Variants in TNFSF10 observed in about 807,000 individuals in gnomAD.
TNFSF10 encodes the protein tumor necrosis factor ligand superfamily member 10.
TNFSF10 carries 13 observed loss-of-function variants against 29.5 expected under a neutral mutation model. The observed-to-expected ratio is 0.44, with a 90% CI of 0.29 to 0.70. The LOEUF (loss-of-function observed/expected upper bound fraction) is 0.70, where lower values mean the gene tolerates loss of function less well. Ranked by LOEUF, TNFSF10 falls within the 30% of genes least tolerant of loss-of-function variation. The pLI is 0.13. For missense variants in TNFSF10, 345 were observed against 330.9 expected (o/e 1.04, Z -0.33); for synonymous variants, 111 against 112.8 (o/e 0.98, Z 0.10).
chr3:172,522,531 C>G, intron 1 of TNFSF10: 1 of 656,992 alleles, frequency 1.5e-6, no homozygotes, highest in Non-Finnish European at 2.7e-6. Flanking sequence ...AAAACTGAAC[C>G]AACGGTAATT....
chr3:172,522,648 T>C (rs1713749339), intron 1 of TNFSF10, among the ~76,000 whole-genome samples: 1 of 152,248 alleles, frequency 6.6e-6, no homozygotes, highest in African/African-American at 2.4e-5. Context: ...TTACAAGACA[T>C]GTCATTGCTG....
rs1424845106 is a variant in TNFSF10 at position 172,509,248 on chromosome 3, G to A, written c.387C>T (p.Thr129=). The change falls in exon 4 of 5, where the codon ACC becomes ACT. Residue 129 remains threonine (T), a synonymous_variant. Transcript: ENST00000241261. The stretch of plus-strand genomic sequence containing the variant: ...AAGACAATGTGTTGCTTCTTCCTCT[G>A]GTCCCAGTTATGTGAGCTGCTACTC... The part of the protein sequence containing the change: ...PQRVAAHITG[T]RGRSNTLSSP... The A allele has an allele frequency of 3.1e-6, 5 of 1,613,430 alleles. No individual in the cohort carries two copies. The South Asian group carries it at 4.4e-5, about 14-fold the overall frequency.
intron 4 of TNFSF10, among the ~76,000 whole-genome samples, chr3:172,508,267 C>T (rs1713074779): frequency 6.6e-6 from 1 of 150,408 alleles, no homozygotes; most frequent in Non-Finnish European, 1.5e-5. Flanking sequence ...TGCACTCCAG[C>T]CTGGGCGACA....
chr3:172,508,330 C>A (rs1489602355), intron 4 of TNFSF10, among the ~76,000 whole-genome samples: 1 of 151,734 alleles, frequency 6.6e-6, no homozygotes, highest in East Asian at 1.9e-4. Context: ...AATACCCATG[C>A]ACAGTATTAC....
intron 2 of TNFSF10, among the ~76,000 whole-genome samples, chr3:172,512,150 G>A (rs1280114249): frequency 2.0e-5 from 3 of 152,166 alleles, no homozygotes; most frequent in Non-Finnish European, 4.4e-5. Context: ...CTCTCTCTCA[G>A]GATGCCCACA....
chr3:172,514,630 G>A (rs1713356164), intron 2 of TNFSF10, among the ~76,000 whole-genome samples: 1 of 152,168 alleles, frequency 6.6e-6, no homozygotes, highest in African/African-American at 2.4e-5. Flanking sequence ...GCTGTCCGGG[G>A]CAGAGGAATG....
At chr3:172,509,113 G>A in intron 4 of TNFSF10, 104 bp downstream of exon 4, 1 of 871,890 alleles carries the variant, frequency 1.1e-6, no homozygotes, top group Non-Finnish European at 1.7e-6. Flanking sequence ...GCATTTTGTA[G>A]ATAGCCATAT....
At chr3:172,509,435 G>C (rs1186989365) in intron 3 of TNFSF10, 114 bp from the exon 4 acceptor site, 1 of 641,324 alleles carries the variant, frequency 1.6e-6, no homozygotes, top group Non-Finnish European at 2.6e-6. Flanking sequence ...TTCCAAAGTT[G>C]ATTCTATGAG....
At chr3:172,511,683 T>G (rs753488201) in intron 2 of TNFSF10, 24 bp from the exon 3 acceptor site, 1 of 1,603,268 alleles carries the variant, frequency 6.2e-7, no homozygotes. Context: ...TGAATAAAGC[T>G]TGTTAATTTC....
intron 1 of TNFSF10, chr3:172,522,352 G>T: frequency 8.7e-7 from 1 of 1,155,124 alleles, no homozygotes; most frequent in Admixed American, 1.7e-5. Flanking sequence ...TTTTCGACAG[G>T]AAGTATCACA....
chr3:172,512,111 C>T (rs1713250078), intron 2 of TNFSF10, among the ~76,000 whole-genome samples: 1 of 152,144 alleles, frequency 6.6e-6, no homozygotes, highest in Admixed American at 6.6e-5. Flanking sequence ...ATTGGACAGA[C>T]CCAAGCCTCA....
At chr3:172,516,746 G>A (rs899643223) in intron 1 of TNFSF10, among the ~76,000 whole-genome samples, 2 of 152,184 alleles carry the variant, frequency 1.3e-5, no homozygotes, top group South Asian at 2.1e-4. Flanking sequence ...TGCCCCACCT[G>A]TAAACATCCA....
chr3:172,511,801 A>C, intron 2 of TNFSF10, 142 bp from the exon 3 acceptor site: 1 of 643,706 alleles, frequency 1.6e-6, no homozygotes, highest in South Asian at 1.8e-5. Flanking sequence ...TTGGTCAAGC[A>C]TAGGGTCTGT....
chr3:172,518,259 C>T (rs2108449493), intron 1 of TNFSF10: 1 of 1,153,978 alleles, frequency 8.7e-7, no homozygotes, highest in African/African-American at 1.6e-5. Context: ...TTCTTCAGCT[C>T]CAGAAGCCCT....
intron 1 of TNFSF10, chr3:172,517,938 A>G (rs372029146): frequency 6.1e-6 from 6 of 985,398 alleles, no homozygotes; most frequent in East Asian, 1.1e-4. Context: ...CACTCTCTCC[A>G]CCCTCACATG....
chr3:172,513,860 A>G (rs1294731263), intron 2 of TNFSF10, among the ~76,000 whole-genome samples: 1 of 147,926 alleles, frequency 6.8e-6, no homozygotes, highest in Admixed American at 6.7e-5. Flanking sequence ...GGTTTTTGAG[A>G]TAGAGTCTTG....
chr3:172,511,567 G>GTCACAAACTGTCA lies in TNFSF10; in HGVS notation c.313+49_313+50insTGACAGTTTGTGA, dbSNP rs747481964. 5 of 1,470,806 alleles carry GTCACAAACTGTCA rather than the reference G, an allele frequency of 3.4e-6. No homozygotes were observed. The African/African-American group carries it at 7.0e-5, about 21-fold the overall frequency. 91.1% of individuals were successfully genotyped at this position (1,470,806 alleles called of 1,614,324 possible). A position where few individuals can be genotyped will look rare whatever the true frequency, so the allele number is the denominator to read the frequency against. On this transcript the variant is annotated intron_variant, in intron 3 of 4. Transcript: ENST00000241261. ...GAGAATGGAGAACTATTCACAACCT[G>GTCACAAACTGTCA]TCATGAAGATGACAGTAAAAAATTA... is the stretch of plus-strand genomic sequence containing the variant.
At chr3:172,522,475 C>T in intron 1 of TNFSF10, 1 of 1,273,264 alleles carries the variant, frequency 7.9e-7, no homozygotes, top group Non-Finnish European at 1.1e-6. Flanking sequence ...GTTAGAATCT[C>T]TTACTGTGCA....
intron 1 of TNFSF10, among the ~76,000 whole-genome samples, chr3:172,522,047 T>C (rs1713718990): frequency 7.0e-6 from 1 of 142,136 alleles, no homozygotes; most frequent in Admixed American, 7.2e-5. Context: ...CTGTCGGGGG[T>C]GGGAGGCTAG....
Sources: allele counts gnomAD v4.1 joint callset (sites outside exome capture counted in the v4.1 genomes callset), GRCh38; gene constraint gnomAD v4.1.1; transcripts MANE v1.5; gene names NCBI Gene and HGNC (gene_info 2026-07-23, HGNC 2026-07-21).